Variants in GPC3 observed in about 807,000 individuals in gnomAD.
GPC3 encodes glypican-3.
A neutral mutation model predicts 34.4 loss-of-function variants in GPC3; 3 were observed. That is an observed-to-expected ratio of 0.09 (90% CI 0.04 to 0.23). GPC3 has a LOEUF of 0.23. GPC3 is among the 10% of genes least tolerant of loss of function. GPC3 has a pLI of 1.00. For missense variants in GPC3, 351 were observed against 445.6 expected, an observed-to-expected ratio of 0.79 and a Z score of 1.91; for synonymous variants, 177 against 174.0, an observed-to-expected ratio of 1.02 and a Z score of -0.13.
chrX:133,976,901 G>A (rs1225532661), intron 1 of GPC3, among the ~76,000 whole-genome samples: 8 of 105,483 alleles, frequency 7.6e-5, no homozygotes, highest in Non-Finnish European at 1.5e-4. Context: ...TCAGGCAACA[G>A]TGCAAGACTC....
At chrX:133,936,495 T>C (rs2076324197) in intron 2 of GPC3, among the ~76,000 whole-genome samples, 2 of 111,110 alleles carry the variant, frequency 1.8e-5, no homozygotes, top group Non-Finnish European at 3.8e-5. Context: ...CACAGCTCTC[T>C]CACCTTGACT....
intron 1 of GPC3, among the ~76,000 whole-genome samples, chrX:133,958,720 A>AC (rs1393439516): frequency 5.7e-5 from 6 of 105,892 alleles, no homozygotes; most frequent in African/African-American, 2.1e-4. Context: ...AAAAAAAAAA[A>AC]AAACAAAAAA....
At chrX:133,872,152 A>T (rs768760924) in intron 2 of GPC3, among the ~76,000 whole-genome samples, 4 of 111,690 alleles carry the variant, frequency 3.6e-5, no homozygotes, top group Non-Finnish European at 5.6e-5. Context: ...CATCATAACA[A>T]CATTTTTCCT....
chrX:133,806,735 G>A (rs751955313), intron 2 of GPC3, among the ~76,000 whole-genome samples: 28 of 109,886 alleles, frequency 2.5e-4, no homozygotes, highest in South Asian at 7.9e-4. Context: ...TGCAAGTTCC[G>A]CCTCCCGGGT....
intron 2 of GPC3, among the ~76,000 whole-genome samples, chrX:133,897,068 A>T (rs1044598881): frequency 9.2e-6 from 1 of 109,098 alleles, no homozygotes; most frequent in Non-Finnish European, 1.9e-5. Flanking sequence ...AACCACGCCC[A>T]GCTAATTTTT....
At chrX:133,632,528 T>C (rs866069436) in intron 6 of GPC3, among the ~76,000 whole-genome samples, 31 of 111,969 alleles carry the variant, frequency 2.8e-4, no homozygotes, top group Non-Finnish European at 4.5e-4. Context: ...AATGAACATA[T>C]GTAATTTTAA....
At chrX:133,724,907 T>C (rs2071395756) in intron 3 of GPC3, among the ~76,000 whole-genome samples, 1 of 111,832 alleles carries the variant, frequency 8.9e-6, no homozygotes, top group Non-Finnish European at 1.9e-5. Context: ...GTCTTCATAA[T>C]TGAGCATAGT....
chrX:133,669,840 G>A (rs888053709), intron 5 of GPC3, among the ~76,000 whole-genome samples: 1 of 111,808 alleles, frequency 8.9e-6, no homozygotes, highest in African/African-American at 3.3e-5. Context: ...CCTTACATGC[G>A]GCGTCTTCTT....
chrX:133,717,038 G>T (rs923145178), intron 3 of GPC3, among the ~76,000 whole-genome samples: 2 of 110,044 alleles, frequency 1.8e-5, no homozygotes, highest in African/African-American at 6.6e-5. Context: ...TCAACTCATT[G>T]CAACCTCTTC....
intron 3 of GPC3, among the ~76,000 whole-genome samples, chrX:133,728,424 G>C (rs1198209032): frequency 8.9e-6 from 1 of 111,963 alleles, no homozygotes; most frequent in African/African-American, 3.2e-5. Context: ...ATTTAGATAG[G>C]AAACACAGTT....
chrX:133,829,494 T>C (rs1354966743), intron 2 of GPC3, among the ~76,000 whole-genome samples: 1 of 111,787 alleles, frequency 8.9e-6, no homozygotes, highest in Non-Finnish European at 1.9e-5. Flanking sequence ...AGAACATTTC[T>C]TCCAACAAGA....
chrX:133,879,016 G>A (rs1019427137), intron 2 of GPC3, among the ~76,000 whole-genome samples: 22 of 111,082 alleles, frequency 2.0e-4, no homozygotes, highest in African/African-American at 6.9e-4. Flanking sequence ...GGAACATGGT[G>A]GCATATAAGA....
intron 2 of GPC3, among the ~76,000 whole-genome samples, chrX:133,912,989 G>A (rs2076207663): frequency 9.3e-6 from 1 of 107,620 alleles, no homozygotes; most frequent in South Asian, 4.3e-4. Flanking sequence ...GGGAGGTAGA[G>A]GTTGCAGTGA....
At chrX:133,670,513 A>AT (rs1457920605) in intron 5 of GPC3, among the ~76,000 whole-genome samples, 1 of 111,923 alleles carries the variant, frequency 8.9e-6, no homozygotes, top group Non-Finnish European at 1.9e-5. Context: ...ACCAAAAAAA[A>AT]TTTGATTTCA....
intron 7 of GPC3, among the ~76,000 whole-genome samples, chrX:133,545,255 T>G (rs1246610511): frequency 9.0e-6 from 1 of 111,185 alleles, no homozygotes; most frequent in East Asian, 2.8e-4. Flanking sequence ...GGTCAAATGT[T>G]GTGTAGGGGT....
At chrX:133,787,876 C>T (rs1280130984) in intron 2 of GPC3, among the ~76,000 whole-genome samples, 2 of 108,570 alleles carry the variant, frequency 1.8e-5, no homozygotes, top group Non-Finnish European at 3.8e-5. Flanking sequence ...CTACTCTCAT[C>T]ATCAACAGAA....
At chrX:133,972,694 T>C (rs1043732879) in intron 1 of GPC3, among the ~76,000 whole-genome samples, 6 of 111,941 alleles carry the variant, frequency 5.4e-5, no homozygotes, top group Admixed American at 4.7e-4. Flanking sequence ...TAGACAGAGG[T>C]AGACTTGCAA....
At chrX:133,975,169 T>G (rs1370106031) in intron 1 of GPC3, among the ~76,000 whole-genome samples, 1 of 111,651 alleles carries the variant, frequency 9.0e-6, no homozygotes, top group Admixed American at 9.5e-5. Flanking sequence ...CTATCACCTG[T>G]GTTACTAAAA....
intron 2 of GPC3, among the ~76,000 whole-genome samples, chrX:133,825,083 C>T (rs1008294001): frequency 1.8e-5 from 2 of 111,660 alleles, no homozygotes; most frequent in African/African-American, 3.3e-5. Context: ...TCTCGATCTC[C>T]TGACCTCATG....
Sources: allele counts gnomAD v4.1 joint callset (sites outside exome capture counted in the v4.1 genomes callset), GRCh38; gene constraint gnomAD v4.1.1; transcripts MANE v1.5; gene names NCBI Gene and HGNC (gene_info 2026-07-23, HGNC 2026-07-21).